Variants in NEK11 observed in about 807,000 individuals in gnomAD.
NEK11 encodes the protein serine/threonine-protein kinase Nek11.
NEK11 carries 72 observed loss-of-function variants against 80.7 expected under a neutral mutation model. That is an observed-to-expected ratio of 0.89 (90% CI 0.74 to 1.08). NEK11 has a LOEUF of 1.08. Among genes scored for constraint, NEK11 ranks in the 50% least tolerant of loss-of-function variants. The pLI is 0.00. For missense variants in NEK11, 764 were observed against 763.6 expected (o/e 1.00, Z -0.01); for synonymous variants, 251 against 260.7 (o/e 0.96, Z 0.36).
intron 3 of NEK11, among the ~76,000 whole-genome samples, chr3:131,058,669 C>G (rs2070166795): frequency 6.6e-6 from 1 of 152,150 alleles, no homozygotes; most frequent in African/African-American, 2.4e-5. Context: ...ATTCATACTA[C>G]AGTCAACTTT....
At chr3:131,250,028 A>C (rs1005231275) in intron 16 of NEK11, among the ~76,000 whole-genome samples, 6 of 152,054 alleles carry the variant, frequency 3.9e-5, no homozygotes, top group Admixed American at 3.9e-4. Flanking sequence ...ACAATATTAA[A>C]ATTCTAAAAG....
intron 14 of NEK11, among the ~76,000 whole-genome samples, chr3:131,180,429 A>G (rs2150157493): frequency 6.6e-6 from 1 of 152,350 alleles, no homozygotes; most frequent in East Asian, 1.9e-4. Context: ...TTACAAAATA[A>G]TATATTGACT....
intron 16 of NEK11, among the ~76,000 whole-genome samples, chr3:131,269,784 A>G (rs2096142811): frequency 6.6e-6 from 1 of 152,232 alleles, no homozygotes; most frequent in Non-Finnish European, 1.5e-5. Context: ...CTCTAGAACC[A>G]GGGCTTCATG....
chr3:131,270,662 A>C (rs941349334), intron 16 of NEK11, among the ~76,000 whole-genome samples: 7 of 152,232 alleles, frequency 4.6e-5, no homozygotes, highest in Non-Finnish European at 1.0e-4. Context: ...TGCTCTGAGC[A>C]CCAAGCTTTG....
chr3:131,280,662 T>A (rs2072674421), intron 17 of NEK11, among the ~76,000 whole-genome samples: 1 of 152,236 alleles, frequency 6.6e-6, no homozygotes, highest in African/African-American at 2.4e-5. Flanking sequence ...TTTCCTCTAT[T>A]TAACAAGTAG....
chr3:131,347,351 C>A (rs1349607040), intron 17 of NEK11, among the ~76,000 whole-genome samples: 1 of 152,192 alleles, frequency 6.6e-6, no homozygotes, highest in Non-Finnish European at 1.5e-5. Context: ...AATGCAAAAG[C>A]ACTTTGCAAG....
At chr3:131,236,712 T>G (rs2095437385) in intron 15 of NEK11, among the ~76,000 whole-genome samples, 1 of 152,196 alleles carries the variant, frequency 6.6e-6, no homozygotes, top group African/African-American at 2.4e-5. Context: ...CCGCACACAC[T>G]TTAAGGCAGA....
chr3:131,210,072 T>C (rs944379247), intron 14 of NEK11, among the ~76,000 whole-genome samples: 3 of 152,330 alleles, frequency 2.0e-5, no homozygotes, highest in Admixed American at 2.0e-4. Context: ...TTAATTGTGA[T>C]GTTAAGGTGT....
intron 17 of NEK11, among the ~76,000 whole-genome samples, chr3:131,326,703 T>A (rs1486909260): frequency 1.3e-5 from 2 of 152,156 alleles, no homozygotes; most frequent in Non-Finnish European, 2.9e-5. Flanking sequence ...TCCAGCCACA[T>A]CCCTTCCCAT....
At chr3:131,334,847 G>A (rs541250334) in intron 17 of NEK11, among the ~76,000 whole-genome samples, 26 of 152,132 alleles carry the variant, frequency 1.7e-4, no homozygotes, top group Admixed American at 6.5e-4. Context: ...ACACCTCTAC[G>A]CAAATAAACT....
intron 17 of NEK11, among the ~76,000 whole-genome samples, chr3:131,295,606 C>G (rs1454300950): frequency 2.6e-5 from 4 of 151,928 alleles, no homozygotes; most frequent in Non-Finnish European, 5.9e-5. Flanking sequence ...CAATAGATTG[C>G]CTTTTACATA....
intron 4 of NEK11, among the ~76,000 whole-genome samples, chr3:131,082,053 T>G (rs1035025256): frequency 5.9e-5 from 9 of 152,226 alleles, no homozygotes; most frequent in South Asian, 2.1e-4. Context: ...GTCTTGACCC[T>G]GCTTTGCTTG....
intron 9 of NEK11, chr3:131,154,818 A>G (rs2090368497): frequency 2.0e-6 from 1 of 507,512 alleles, no homozygotes; most frequent in Non-Finnish European, 3.6e-6. Context: ...GCAGTGCAAG[A>G]TGAAGCTGGA....
At chr3:131,034,324 T>C (rs1465531267) in intron 3 of NEK11, among the ~76,000 whole-genome samples, 2 of 152,242 alleles carry the variant, frequency 1.3e-5, no homozygotes, top group Non-Finnish European at 2.9e-5. Flanking sequence ...ATTTAAGATA[T>C]AGTGATCTTA....
At chr3:131,295,452 G>A (rs6809962) in intron 17 of NEK11, among the ~76,000 whole-genome samples, 26,310 of 152,084 alleles carry the variant, frequency 0.17, 4,089 homozygotes, top group African/African-American at 0.41. Flanking sequence ...TTTTGGATTA[G>A]GGATACTCAA....
intron 7 of NEK11, among the ~76,000 whole-genome samples, chr3:131,149,621 A>G (rs1249920597): frequency 6.6e-6 from 1 of 152,050 alleles, no homozygotes; most frequent in Non-Finnish European, 1.5e-5. Context: ...TGTGTTCTTA[A>G]AAGACTGTTA....
chr3:131,158,919 G>GC (rs1246979037), intron 10 of NEK11, among the ~76,000 whole-genome samples: 9 of 152,032 alleles, frequency 5.9e-5, no homozygotes, highest in East Asian at 5.8e-4. Flanking sequence ...GAGCACATAG[G>GC]CCCCCCCAGC....
Position 131,108,559 on chromosome 3 carries a change from A to G in NEK11, c.337-1244A>G, listed in dbSNP as rs531914496. Among the ~76,000 whole-genome samples the G allele has an allele frequency of 2.6e-5, 4 of 152,260 alleles. No individual in the cohort carries two copies. In the East Asian group the frequency reaches 7.7e-4, roughly 29 times the overall value. On this transcript the variant is annotated intron_variant, in intron 4 of 17. Transcript: ENST00000383366. Reference sequence around the variant, plus strand: ...TAAGGGTTCTCTAAGAAAATTTAGCATTTGACATTTTTATTTTTATAGCAA... The same window carrying G: ...TAAGGGTTCTCTAAGAAAATTTAGCGTTTGACATTTTTATTTTTATAGCAA...
At chr3:131,258,816 T>A (rs1240708355) in intron 16 of NEK11, among the ~76,000 whole-genome samples, 1 of 152,208 alleles carries the variant, frequency 6.6e-6, no homozygotes, top group African/African-American at 2.4e-5. Context: ...TTCCTATAAG[T>A]AGCAAGTTTG....
Sources: allele counts gnomAD v4.1 joint callset (sites outside exome capture counted in the v4.1 genomes callset), GRCh38; gene constraint gnomAD v4.1.1; transcripts MANE v1.5; gene names NCBI Gene and HGNC (gene_info 2026-07-23, HGNC 2026-07-21).